The following NEGR1 variants were observed in gnomAD, a reference collection of about 807,000 sequenced individuals.
The protein encoded by NEGR1 is neuronal growth regulator 1, also known as IgLON family member 4.
Under a neutral mutation model 40.9 loss-of-function variants are expected in NEGR1, and 10 were observed. The ratio of observed to expected loss-of-function variants is 0.24; its 90% CI spans 0.15 to 0.42. NEGR1 has a LOEUF of 0.42. Among genes scored for constraint, NEGR1 ranks in the 10% least tolerant of loss-of-function variants. The probability of loss-of-function intolerance (pLI) is 1.00; values close to 1 mark genes in which losing one functional copy is unlikely to be tolerated. For missense variants in NEGR1, 352 were observed against 438.9 expected (o/e 0.80, Z 1.77); for synonymous variants, 185 against 166.8 (o/e 1.11, Z -0.84).
intron 2 of NEGR1, among the ~76,000 whole-genome samples, chr1:71,853,637 T>C (rs576869799): frequency 1.3e-3 from 191 of 152,224 alleles, no homozygotes; most frequent in Admixed American, 0.012. Flanking sequence ...ACTGAATGTA[T>C]ATTGATTCTT....
intron 1 of NEGR1, among the ~76,000 whole-genome samples, chr1:71,978,601 A>G (rs900318620): frequency 5.9e-5 from 9 of 152,208 alleles, no homozygotes; most frequent in African/African-American, 2.2e-4. Flanking sequence ...AAGCATATGA[A>G]AAAAAGTTCA....
intron 2 of NEGR1, among the ~76,000 whole-genome samples, chr1:71,872,897 C>T (rs55685700): frequency 0.041 from 6,268 of 152,056 alleles, 433 homozygotes; most frequent in African/African-American, 0.14. Flanking sequence ...TGTTCTCTCT[C>T]TTTTTACTTC....
At chr1:71,836,656 A>T (rs969250254) in intron 2 of NEGR1, among the ~76,000 whole-genome samples, 7 of 151,654 alleles carry the variant, frequency 4.6e-5, no homozygotes, top group Non-Finnish European at 1.0e-4. Context: ...TAATTCCTAT[A>T]AAAAAAACTC....
At chr1:71,699,005 T>C (rs1226137435) in intron 3 of NEGR1, among the ~76,000 whole-genome samples, 1 of 151,830 alleles carries the variant, frequency 6.6e-6, no homozygotes, top group African/African-American at 2.4e-5. Context: ...CCTTTGTGAA[T>C]TTCAAGAGAG....
chr1:71,825,927 C>A (rs1438588006), intron 2 of NEGR1, among the ~76,000 whole-genome samples: 1 of 151,878 alleles, frequency 6.6e-6, no homozygotes, highest in Non-Finnish European at 1.5e-5. Context: ...CAGATTGTCT[C>A]CCAAAACACC....
intron 1 of NEGR1, among the ~76,000 whole-genome samples, chr1:71,973,230 G>A (rs1187866539): frequency 6.6e-6 from 1 of 151,728 alleles, no homozygotes; most frequent in Non-Finnish European, 1.5e-5. Context: ...GCAGGAGAAT[G>A]GCGTGAACAC....
intron 4 of NEGR1, among the ~76,000 whole-genome samples, chr1:71,673,471 G>A (rs1652505890): frequency 7.5e-6 from 1 of 132,948 alleles, no homozygotes; most frequent in South Asian, 2.5e-4. Context: ...CTTTTATGGA[G>A]CTTATGATTT....
At chr1:71,903,259 G>T (rs1661187746) in intron 2 of NEGR1, among the ~76,000 whole-genome samples, 1 of 151,840 alleles carries the variant, frequency 6.6e-6, no homozygotes, top group Non-Finnish European at 1.5e-5. Flanking sequence ...TTTATTTTAT[G>T]TCTGTTCATA....
intron 2 of NEGR1, among the ~76,000 whole-genome samples, chr1:71,816,587 C>T (rs1474620651): frequency 1.3e-5 from 2 of 151,948 alleles, no homozygotes; most frequent in East Asian, 1.9e-4. Context: ...AAATACACAC[C>T]CCCAAGATTC....
chr1:71,806,855 A>ATCCTAG (rs1570372807), intron 2 of NEGR1, among the ~76,000 whole-genome samples: 1 of 151,362 alleles, frequency 6.6e-6, no homozygotes, highest in Non-Finnish European at 1.5e-5. Flanking sequence ...AGCATACCAC[A>ATCCTAG]CAAACTTAAG....
chr1:72,064,456 T>C (rs1345115110), intron 1 of NEGR1, among the ~76,000 whole-genome samples: 1 of 152,052 alleles, frequency 6.6e-6, no homozygotes, highest in Admixed American at 6.6e-5. Context: ...ATGTTGATAG[T>C]GTCTGTGCAA....
intron 1 of NEGR1, among the ~76,000 whole-genome samples, chr1:72,149,846 A>T (rs987691700): frequency 1.4e-5 from 2 of 141,732 alleles, no homozygotes; most frequent in African/African-American, 5.5e-5. Flanking sequence ...TTGCCATTGC[A>T]CTCCAGCCTG....
At chr1:71,874,462 G>A (rs1164984322) in intron 2 of NEGR1, among the ~76,000 whole-genome samples, 1 of 152,140 alleles carries the variant, frequency 6.6e-6, no homozygotes, top group Non-Finnish European at 1.5e-5. Flanking sequence ...AGCAAGGTTT[G>A]TGGGTCTCTA....
At chr1:71,953,662 C>T (rs756752268) in intron 1 of NEGR1, among the ~76,000 whole-genome samples, 2 of 151,892 alleles carry the variant, frequency 1.3e-5, no homozygotes, top group Admixed American at 1.3e-4. Context: ...ATGTAGCCAA[C>T]TTCATTGTTG....
intron 1 of NEGR1, among the ~76,000 whole-genome samples, chr1:72,030,091 G>A (rs1053370506): frequency 6.6e-6 from 1 of 151,884 alleles, no homozygotes; most frequent in Non-Finnish European, 1.5e-5. Flanking sequence ...CAGCCCTCAT[G>A]TAGTTGCAGA....
chr1:71,639,014 T>G (rs1320736831), intron 4 of NEGR1, among the ~76,000 whole-genome samples: 1 of 151,746 alleles, frequency 6.6e-6, no homozygotes, highest in East Asian at 1.9e-4. Context: ...AAGAATAAAA[T>G]AAAAATGAGA....
chr1:71,620,036 G>A (rs1461660695), intron 4 of NEGR1, among the ~76,000 whole-genome samples: 1 of 151,948 alleles, frequency 6.6e-6, no homozygotes, highest in African/African-American at 2.4e-5. Context: ...CTAAGTTGAG[G>A]TAGTTGAAAT....
chr1:71,971,058 TG>T (rs1191300765), intron 1 of NEGR1, among the ~76,000 whole-genome samples: 1 of 152,118 alleles, frequency 6.6e-6, no homozygotes, highest in African/African-American at 2.4e-5. Flanking sequence ...TAATGACTGA[TG>T]CCATTATAAG....
chr1:72,129,546 A>T (rs1487134754), intron 1 of NEGR1, among the ~76,000 whole-genome samples: 1 of 152,210 alleles, frequency 6.6e-6, no homozygotes, highest in Admixed American at 6.5e-5. Flanking sequence ...TTTTGGGCGA[A>T]CAAGCTACAA....
Sources: allele counts gnomAD v4.1 joint callset (sites outside exome capture counted in the v4.1 genomes callset), GRCh38; gene constraint gnomAD v4.1.1; transcripts MANE v1.5; gene names NCBI Gene and HGNC (gene_info 2026-07-23, HGNC 2026-07-21).